The following EBF3 variants were observed in gnomAD, a reference collection of about 807,000 sequenced individuals.
EBF3 encodes the protein EBF transcription factor 3, also known as transcription factor COE3.
EBF3 carries 18 observed loss-of-function variants against 77.1 expected under a neutral mutation model. The observed-to-expected ratio is 0.23, with a 90% CI of 0.16 to 0.35. The LOEUF (loss-of-function observed/expected upper bound fraction) is 0.35. EBF3 is among the 10% of genes least tolerant of loss of function. The probability of loss-of-function intolerance (pLI) is 1.00; values close to 1 mark genes in which losing one functional copy is unlikely to be tolerated. For missense variants in EBF3, 558 were observed against 860.0 expected (o/e 0.65, Z 4.39); for synonymous variants, 350 against 343.5 (o/e 1.02, Z -0.21).
rs868373516 is a variant in EBF3 at position 129,924,945 on chromosome 10, T to G, written c.554+32313A>C. 2.0e-5 allele frequency among the ~76,000 whole-genome samples: 3 copies of G among 152,268 alleles called. No individual in the cohort carries two copies. The South Asian group carries it at 6.2e-4, about 32-fold the overall frequency. The stretch of plus-strand genomic sequence containing the variant: ...TCCCGAAGCGCCGAGATGACAGGCA[T>G]GAGCTACGGCACCCGGCCTGAAGAG... On this transcript the variant is annotated intron_variant, in intron 6 of 16. Coordinates refer to ENST00000440978, the MANE Select transcript of EBF3 (RefSeq NM_001375380.1).
chr10:129,915,632 G>A (rs983945367), intron 6 of EBF3, among the ~76,000 whole-genome samples: 8 of 152,242 alleles, frequency 5.3e-5, no homozygotes, highest in Non-Finnish European at 2.9e-5. Context: ...CAGCCGCCGA[G>A]AGTGCGGGAA....
chr10:129,940,830 C>A (rs959289298), intron 6 of EBF3, among the ~76,000 whole-genome samples: 1 of 152,172 alleles, frequency 6.6e-6, no homozygotes, highest in African/African-American at 2.4e-5. Context: ...GCACCGCCCA[C>A]CCCGGAAACC....
intron 15 of EBF3, 53 bp downstream of exon 15, chr10:129,840,192 C>CCAAA: frequency 2.1e-4 from 160 of 773,124 alleles, no homozygotes; most frequent in Non-Finnish European, 3.0e-4. Flanking sequence ...CCACTCCCAT[C>CCAAA]CCCACCCCTG....
intron 6 of EBF3, among the ~76,000 whole-genome samples, chr10:129,918,588 G>A (rs1856051291): frequency 6.6e-6 from 1 of 152,174 alleles, no homozygotes; most frequent in African/African-American, 2.4e-5. Context: ...TAGGCCAGAC[G>A]GAACCCTGTG....
In EBF3 at chr10:129,963,584, C is replaced by T. The variant is rs1315266240; in HGVS notation, c.134+51G>A. On this transcript the variant is annotated intron_variant, in intron 1 of 16. Transcript: ENST00000440978. The surrounding 1 kb of genome is among the most constrained non-coding windows in gnomAD (Gnocchi z 7.1). Reference sequence around the variant, plus strand: ...CGCGGCGCCGGCCGGCGGAGGGGGCCGGGCCGGGCCGGGGCCGGGGCCAGG... The same window carrying T: ...CGCGGCGCCGGCCGGCGGAGGGGGCTGGGCCGGGCCGGGGCCGGGGCCAGG... 1.2e-5 allele frequency: 15 copies of T among 1,235,548 alleles called. No homozygotes were observed. The highest frequency in any genetic ancestry group is 1.5e-5 in the Non-Finnish European group (15 of 982,550). 76.5% of individuals were successfully genotyped at this position (1,235,548 alleles called of 1,614,324 possible). A position where few individuals can be genotyped will look rare whatever the true frequency, so the allele number is the denominator to read the frequency against.
intron 6 of EBF3, among the ~76,000 whole-genome samples, chr10:129,926,581 A>T (rs1337037022): frequency 2.0e-5 from 3 of 152,198 alleles, no homozygotes; most frequent in Non-Finnish European, 2.9e-5. Flanking sequence ...GGGTGGAGAC[A>T]GCCTGTGGCC....
At chr10:129,959,389 C>G (rs991560686) in intron 4 of EBF3, among the ~76,000 whole-genome samples, 6 of 152,020 alleles carry the variant, frequency 3.9e-5, no homozygotes, top group Non-Finnish European at 5.9e-5. Context: ...CTTCGGCATT[C>G]CGCGCCGCCG....
At chr10:129,954,797 C>T (rs1027369480) in intron 6 of EBF3, among the ~76,000 whole-genome samples, 3 of 152,132 alleles carry the variant, frequency 2.0e-5, no homozygotes, top group East Asian at 3.9e-4. Flanking sequence ...CCAAATGAGA[C>T]ACTGCTGATG....
chr10:129,963,340 A>AG lies in EBF3; in HGVS notation c.291+26dup, dbSNP rs1859680630. ...CTGCCTCCCGCTTCTAGAAAGAGAG[A>AG]GGGTGTGATCGTGTGTTTGCACTTA... On this transcript the variant is annotated intron_variant, in intron 2 of 16. Coordinates refer to ENST00000440978, the MANE Select transcript of EBF3 (RefSeq NM_001375380.1). This position sits in a 1 kb window ranked among gnomAD's most constrained non-coding sequence, Gnocchi z 7.1. 6.4e-7 allele frequency: 1 copy of AG among 1,562,580 alleles called. No homozygotes were observed. Among genetic ancestry groups the AG allele is most frequent in the African/African-American group, 1.4e-5 (1 of 70,494 alleles).
intron 6 of EBF3, among the ~76,000 whole-genome samples, chr10:129,930,879 ATATACC>A (rs1396193534): frequency 7.5e-6 from 1 of 132,756 alleles, no homozygotes; most frequent in African/African-American, 2.9e-5. Context: ...TCCCCCTCTC[ATATACC>A]TATATCTGTC....
At chr10:129,891,690 C>G (rs771324539) in intron 6 of EBF3, among the ~76,000 whole-genome samples, 1 of 152,124 alleles carries the variant, frequency 6.6e-6, no homozygotes, top group Non-Finnish European at 1.5e-5. Flanking sequence ...TTTGTGGATC[C>G]GTGGCCCGGT....
At chr10:129,883,988 G>A (rs1042013389) in intron 6 of EBF3, among the ~76,000 whole-genome samples, 13 of 152,210 alleles carry the variant, frequency 8.5e-5, no homozygotes, top group Admixed American at 7.2e-4. Context: ...CACGTGATCC[G>A]AGGCCCTCAT....
chr10:129,906,923 C>T (rs1180455512), intron 6 of EBF3, among the ~76,000 whole-genome samples: 1 of 152,138 alleles, frequency 6.6e-6, no homozygotes, highest in East Asian at 1.9e-4. Context: ...GCTGGGGTTG[C>T]CTCTCCGCAG....
intron 5 of EBF3, 62 bp from the exon 6 acceptor site, chr10:129,957,388 A>ATTTTTTT: frequency 8.6e-7 from 1 of 1,162,408 alleles, no homozygotes; most frequent in Non-Finnish European, 1.2e-6. Context: ...CCCGACTTGT[A>ATTTTTTT]TTTTTTTTTT....
chr10:129,939,454 C>T (rs982507245), intron 6 of EBF3, among the ~76,000 whole-genome samples: 4 of 152,226 alleles, frequency 2.6e-5, no homozygotes, highest in Non-Finnish European at 1.5e-5. Flanking sequence ...AACACGTGAC[C>T]GTTCCTCTGG....
chr10:129,943,613 T>C lies in EBF3; in HGVS notation c.554+13645A>G, dbSNP rs190065701. On this transcript the variant is annotated intron_variant, in intron 6 of 16. Coordinates refer to ENST00000440978, the MANE Select transcript of EBF3 (RefSeq NM_001375380.1). The surrounding 1 kb of genome is among the most constrained non-coding windows in gnomAD (Gnocchi z 8.8). ...CAGCCGGGCTTGGGAACAAGACAGG[T>C]CCCCGGCGTGCACATCCAAAGTTTG... is the stretch of plus-strand genomic sequence containing the variant. 3.9e-3 allele frequency among the ~76,000 whole-genome samples: 586 copies of C among 152,114 alleles called. 3 individuals are homozygous for C. Among genetic ancestry groups the C allele is most frequent in the East Asian group, 0.028 (147 of 5,174 alleles).
intron 5 of EBF3, among the ~76,000 whole-genome samples, chr10:129,958,573 A>C (rs974274378): frequency 2.6e-5 from 4 of 152,228 alleles, no homozygotes; most frequent in Non-Finnish European, 5.9e-5. Flanking sequence ...AGACAATTGT[A>C]TATCTCAGGA....
intron 10 of EBF3, among the ~76,000 whole-genome samples, chr10:129,853,533 A>G (rs935714781): frequency 1.3e-5 from 2 of 152,226 alleles, no homozygotes; most frequent in African/African-American, 4.8e-5. Flanking sequence ...ACATAACTAC[A>G]TAATAAGAAC....
At chr10:129,900,215 T>A (rs1226486516) in intron 6 of EBF3, among the ~76,000 whole-genome samples, 1 of 152,206 alleles carries the variant, frequency 6.6e-6, no homozygotes, top group Non-Finnish European at 1.5e-5. Context: ...TACAAAAATA[T>A]CCTTCTCTCA....
Sources: allele counts gnomAD v4.1 joint callset (sites outside exome capture counted in the v4.1 genomes callset), GRCh38; gene constraint gnomAD v4.1.1; non-coding constraint Gnocchi (gnomAD v3.1); transcripts MANE v1.5; gene names NCBI Gene and HGNC (gene_info 2026-07-23, HGNC 2026-07-21).